The following PTPRD variants were observed in gnomAD, a reference collection of about 807,000 sequenced individuals.
PTPRD encodes receptor-type tyrosine-protein phosphatase delta.
In PTPRD, 34 loss-of-function variants were observed where a neutral mutation model predicts 214.5. The observed-to-expected ratio is 0.16, with a 90% CI of 0.12 to 0.21. The LOEUF (loss-of-function observed/expected upper bound fraction) is 0.21, where lower values mean the gene tolerates loss of function less well. Ranked by LOEUF, PTPRD falls within the 10% of genes least tolerant of loss-of-function variation. PTPRD has a pLI of 1.00. For synonymous variants in PTPRD, 1,128 were observed against 845.7 expected (o/e 1.33, Z -5.79); for missense variants, 2,545 against 2,398.7 (o/e 1.06, Z -1.27).
At chr9:9,112,513 T>C (rs1412958869) in intron 10 of PTPRD, among the ~76,000 whole-genome samples, 1 of 152,164 alleles carries the variant, frequency 6.6e-6, no homozygotes, top group Middle Eastern at 3.2e-3. Context: ...GAAAATTCTC[T>C]TTCTTAGAAG....
chr9:9,007,483 A>G (rs879776702), intron 11 of PTPRD, among the ~76,000 whole-genome samples: 1 of 149,386 alleles, frequency 6.7e-6, no homozygotes, highest in African/African-American at 2.5e-5. Context: ...ATTTTTTTTT[A>G]TGTGCTTGAC....
chr9:10,509,187 C>T (rs2047108062), intron 2 of PTPRD, among the ~76,000 whole-genome samples: 1 of 151,848 alleles, frequency 6.6e-6, no homozygotes, highest in African/African-American at 2.4e-5. Context: ...GAGGAATTTG[C>T]CTGCAACTCC....
intron 2 of PTPRD, among the ~76,000 whole-genome samples, chr9:10,566,050 T>C (rs1295163925): frequency 6.6e-6 from 1 of 152,054 alleles, no homozygotes; most frequent in East Asian, 1.9e-4. Flanking sequence ...ACATGTATTG[T>C]CTTTCATGTC....
At chr9:9,825,083 A>C (rs961951936) in intron 5 of PTPRD, among the ~76,000 whole-genome samples, 2 of 151,914 alleles carry the variant, frequency 1.3e-5, no homozygotes, top group African/African-American at 4.8e-5. Context: ...CTAGTTTCAA[A>C]TGTGATCATC....
At chr9:9,013,572 T>C (rs1376344222) in intron 11 of PTPRD, among the ~76,000 whole-genome samples, 2 of 152,158 alleles carry the variant, frequency 1.3e-5, no homozygotes, top group Non-Finnish European at 2.9e-5. Context: ...TTTCTTTCCG[T>C]GGGATAAAAG....
chr9:9,893,077 C>A (rs1393995368), intron 5 of PTPRD, among the ~76,000 whole-genome samples: 1 of 151,968 alleles, frequency 6.6e-6, no homozygotes, highest in Non-Finnish European at 1.5e-5. Context: ...GTATGAAGTT[C>A]AGGAGAGTGC....
intron 11 of PTPRD, among the ~76,000 whole-genome samples, chr9:8,944,845 T>A (rs1204687624): frequency 6.6e-6 from 1 of 152,062 alleles, no homozygotes; most frequent in Non-Finnish European, 1.5e-5. Flanking sequence ...CACACCAGAA[T>A]GACTACAGTC....
chr9:9,059,207 A>T, intron 10 of PTPRD, among the ~76,000 whole-genome samples: 1 of 152,310 alleles, frequency 6.6e-6, no homozygotes, highest in Non-Finnish European at 1.5e-5. Context: ...ATTTTCCGTT[A>T]GGACTATTCA....
chr9:9,441,847 T>C (rs753988128), intron 8 of PTPRD, among the ~76,000 whole-genome samples: 45 of 152,232 alleles, frequency 3.0e-4, no homozygotes, highest in Admixed American at 2.6e-4. Flanking sequence ...ACAATTGTTA[T>C]AAGTGATAAA....
chr9:8,780,538 T>C (rs899018168), intron 11 of PTPRD, among the ~76,000 whole-genome samples: 15 of 152,140 alleles, frequency 9.9e-5, no homozygotes, highest in African/African-American at 2.9e-4. Context: ...CGGAGAAGTC[T>C]AACAAAAAAT....
intron 10 of PTPRD, among the ~76,000 whole-genome samples, chr9:9,119,174 G>A (rs1448941887): frequency 6.6e-6 from 1 of 152,154 alleles, no homozygotes; most frequent in East Asian, 1.9e-4. Context: ...ACCTTGTTGA[G>A]TTTATCTTAT....
intron 7 of PTPRD, among the ~76,000 whole-genome samples, chr9:9,703,446 G>A (rs2097539710): frequency 6.6e-6 from 1 of 151,998 alleles, no homozygotes; most frequent in Non-Finnish European, 1.5e-5. Flanking sequence ...GGTTTACATG[G>A]CAGAAACATT....
chr9:9,955,230 A>C (rs182570300), intron 4 of PTPRD, among the ~76,000 whole-genome samples: 3 of 152,310 alleles, frequency 2.0e-5, no homozygotes, highest in African/African-American at 7.2e-5. Context: ...TAAAGAACAA[A>C]TGAATAATGC....
intron 4 of PTPRD, among the ~76,000 whole-genome samples, chr9:9,953,382 A>C (rs1343916435): frequency 6.6e-6 from 1 of 152,134 alleles, no homozygotes; most frequent in Admixed American, 6.5e-5. Flanking sequence ...TAACAGGTGT[A>C]CTAAAATCTC....
chr9:9,241,395 C>A, intron 9 of PTPRD, among the ~76,000 whole-genome samples: 1 of 152,158 alleles, frequency 6.6e-6, no homozygotes, highest in East Asian at 1.9e-4. Context: ...AGAAAATATT[C>A]TCTTTGTAAT....
chr9:9,395,899 T>C (rs1002211092), intron 9 of PTPRD, among the ~76,000 whole-genome samples: 2 of 152,146 alleles, frequency 1.3e-5, no homozygotes, highest in Non-Finnish European at 2.9e-5. Flanking sequence ...TTGCTTTTTG[T>C]AATCGGACTA....
intron 8 of PTPRD, among the ~76,000 whole-genome samples, chr9:9,565,331 T>A (rs1338570791): frequency 6.6e-6 from 1 of 151,906 alleles, no homozygotes; most frequent in Admixed American, 6.6e-5. Context: ...ATAGACTATG[T>A]AGAAATGGAG....
chr9:9,131,953 G>A (rs2099843376), intron 10 of PTPRD, among the ~76,000 whole-genome samples: 1 of 151,918 alleles, frequency 6.6e-6, no homozygotes, highest in South Asian at 2.1e-4. Flanking sequence ...TTCATTTGAG[G>A]GGGAATTGTT....
At chr9:9,355,381 G>A (rs202125063) in intron 9 of PTPRD, among the ~76,000 whole-genome samples, 1 of 43,054 alleles carries the variant, frequency 2.3e-5, no homozygotes, top group African/African-American at 1.7e-4. Flanking sequence ...TTTTAGGAGC[G>A]GAGGTGAAAG....
Sources: allele counts gnomAD v4.1 joint callset (sites outside exome capture counted in the v4.1 genomes callset), GRCh38; gene constraint gnomAD v4.1.1; transcripts MANE v1.5; gene names NCBI Gene and HGNC (gene_info 2026-07-23, HGNC 2026-07-21).